The following PHKB variants were observed in gnomAD, a reference collection of about 807,000 sequenced individuals.
PHKB encodes phosphorylase kinase regulatory subunit beta, also known as phosphorylase b kinase regulatory subunit beta.
A neutral mutation model predicts 152.1 loss-of-function variants in PHKB; 122 were observed. The observed-to-expected ratio is 0.80, with a 90% CI of 0.69 to 0.93. The LOEUF (loss-of-function observed/expected upper bound fraction) is 0.93. Among genes scored for constraint, PHKB ranks in the 40% least tolerant of loss-of-function variants. The pLI is 0.00. For missense variants in PHKB, 1,304 were observed against 1,328.4 expected (o/e 0.98, Z 0.29); for synonymous variants, 436 against 464.9 (o/e 0.94, Z 0.80).
intron 5 of PHKB, among the ~76,000 whole-genome samples, chr16:47,513,407 A>T (rs1020157263): frequency 3.3e-5 from 5 of 152,346 alleles, no homozygotes; most frequent in Middle Eastern, 3.4e-3. Flanking sequence ...TTTTAAGAAG[A>T]GTCACTAAAA....
chr16:47,698,265 T>G (rs1391841859), intron 29 of PHKB, among the ~76,000 whole-genome samples, 183 bp from the exon 30 acceptor site: 1 of 152,030 alleles, frequency 6.6e-6, no homozygotes, highest in Non-Finnish European at 1.5e-5. Context: ...AAAAAAAAGG[T>G]GCACTTTCCA....
At chr16:47,490,488 G>T (rs1488128829) in intron 1 of PHKB, among the ~76,000 whole-genome samples, 2 of 152,124 alleles carry the variant, frequency 1.3e-5, no homozygotes, top group African/African-American at 4.8e-5. Context: ...ACCTAAAGAA[G>T]ATTGAACATC....
intron 8 of PHKB, among the ~76,000 whole-genome samples, chr16:47,585,995 C>G (rs1295815384): frequency 1.3e-5 from 2 of 152,154 alleles, no homozygotes; most frequent in African/African-American, 4.8e-5. Flanking sequence ...TATTCATAGG[C>G]TCCTAACATA....
chr16:47,469,200 A>G (rs1430273337), intron 1 of PHKB, among the ~76,000 whole-genome samples: 1 of 152,234 alleles, frequency 6.6e-6, no homozygotes, highest in Non-Finnish European at 1.5e-5. Context: ...ATCATATAAT[A>G]TCTATCACAC....
At chr16:47,572,351 A>G (rs1192262220) in intron 7 of PHKB, among the ~76,000 whole-genome samples, 2 of 152,136 alleles carry the variant, frequency 1.3e-5, no homozygotes, top group Non-Finnish European at 2.9e-5. Flanking sequence ...TCTTATGTGC[A>G]TGTTGTGGAT....
At chr16:47,474,661 G>C (rs186600553) in intron 1 of PHKB, among the ~76,000 whole-genome samples, 1 of 151,784 alleles carries the variant, frequency 6.6e-6, no homozygotes, top group African/African-American at 2.4e-5. Flanking sequence ...TGATTGATAA[G>C]TTATAAATCA....
intron 4 of PHKB, 62 bp downstream of exon 4, chr16:47,503,152 A>T: frequency 9.4e-7 from 1 of 1,068,068 alleles, no homozygotes; most frequent in Non-Finnish European, 1.4e-6. Flanking sequence ...TTTAACTAGT[A>T]TCGCAATGGT....
intron 1 of PHKB, among the ~76,000 whole-genome samples, chr16:47,474,538 C>T (rs562347307): frequency 5.3e-5 from 8 of 152,086 alleles, no homozygotes; most frequent in South Asian, 4.1e-4. Flanking sequence ...TGTCTTCCTC[C>T]AATAGTTGAA....
At chr16:47,470,650 A>T (rs1005129429) in intron 1 of PHKB, among the ~76,000 whole-genome samples, 2 of 152,320 alleles carry the variant, frequency 1.3e-5, no homozygotes, top group Non-Finnish European at 2.9e-5. Context: ...TAACTTACTT[A>T]AAGTCACCCA....
intron 14 of PHKB, among the ~76,000 whole-genome samples, chr16:47,634,159 A>G (rs1972875766): frequency 1.3e-5 from 2 of 152,196 alleles, no homozygotes; most frequent in Admixed American, 6.5e-5. Flanking sequence ...TATTATTCTC[A>G]ATTTATAGAT....
intron 14 of PHKB, among the ~76,000 whole-genome samples, chr16:47,625,850 C>T (rs945475692): frequency 6.6e-6 from 1 of 152,138 alleles, no homozygotes; most frequent in African/African-American, 2.4e-5. Flanking sequence ...TCGAGAACAG[C>T]TCAGATACCT....
chr16:47,601,199 A>G (rs902445534), intron 13 of PHKB, among the ~76,000 whole-genome samples: 4 of 152,226 alleles, frequency 2.6e-5, no homozygotes, highest in African/African-American at 9.6e-5. Context: ...CCTGGGCAAT[A>G]GAGTGAGACC....
intron 7 of PHKB, among the ~76,000 whole-genome samples, chr16:47,572,894 G>A (rs1303118279): frequency 6.6e-6 from 1 of 152,120 alleles, no homozygotes; most frequent in Non-Finnish European, 1.5e-5. Context: ...CATTGTAGAG[G>A]GCTGTGTCAG....
At chr16:47,679,342 T>C (rs1462473462) in intron 26 of PHKB, among the ~76,000 whole-genome samples, 3 of 152,188 alleles carry the variant, frequency 2.0e-5, no homozygotes, top group Non-Finnish European at 2.9e-5. Context: ...TGACATTGAA[T>C]CTATAAATTA....
chr16:47,541,317 G>C (rs767321789), intron 6 of PHKB, among the ~76,000 whole-genome samples: 32 of 152,286 alleles, frequency 2.1e-4, no homozygotes, highest in Admixed American at 1.2e-3. Context: ...CCCCGCAAAG[G>C]ACATGAGCTC....
intron 2 of PHKB, among the ~76,000 whole-genome samples, chr16:47,498,984 G>C (rs182727105): frequency 4.7e-4 from 71 of 152,276 alleles, no homozygotes; most frequent in African/African-American, 1.7e-3. Context: ...TTTATAGTTA[G>C]ATAGCAATAA....
At chr16:47,560,235 A>G (rs989176295) in intron 7 of PHKB, among the ~76,000 whole-genome samples, 3 of 152,222 alleles carry the variant, frequency 2.0e-5, no homozygotes, top group Admixed American at 2.0e-4. Flanking sequence ...TTGTTCCCTC[A>G]TCTTAAAAGT....
At chr16:47,564,442 T>C (rs1971530847) in intron 7 of PHKB, among the ~76,000 whole-genome samples, 1 of 152,128 alleles carries the variant, frequency 6.6e-6, no homozygotes, top group Non-Finnish European at 1.5e-5. Context: ...ATTAGTGGCA[T>C]TTTTTTCATG....
chr16:47,656,822 G>A (rs1297351255), intron 20 of PHKB, among the ~76,000 whole-genome samples: 1 of 151,848 alleles, frequency 6.6e-6, no homozygotes, highest in African/African-American at 2.4e-5. Context: ...TCATTACTAG[G>A]ATCCCAGCCT....
Sources: allele counts gnomAD v4.1 joint callset (sites outside exome capture counted in the v4.1 genomes callset), GRCh38; gene constraint gnomAD v4.1.1; transcripts MANE v1.5; gene names NCBI Gene and HGNC (gene_info 2026-07-23, HGNC 2026-07-21).